BCLAF1: variants seen among roughly 807,000 people sequenced by gnomAD.
The protein encoded by BCLAF1 is bcl-2-associated transcription factor 1.
In BCLAF1, 10 loss-of-function variants were observed where a neutral mutation model predicts 99.5. The observed-to-expected ratio is 0.10, with a 90% CI of 0.06 to 0.17. BCLAF1 has a LOEUF of 0.17. Among genes scored for constraint, BCLAF1 ranks in the 10% least tolerant of loss-of-function variants. BCLAF1 has a pLI of 1.00. For missense variants in BCLAF1, 636 were observed against 1,105.8 expected, an observed-to-expected ratio of 0.58 and a Z score of 6.02; for synonymous variants, 255 against 370.9, an observed-to-expected ratio of 0.69 and a Z score of 3.59.
chr6:136,268,061 G>A, intron 10 of BCLAF1, 101 bp downstream of exon 10: 1 of 1,115,388 alleles, frequency 9.0e-7, no homozygotes, highest in Non-Finnish European at 1.2e-6. Flanking sequence ...TAGGAATAAT[G>A]ACACACATAA....
At chr6:136,285,125 G>A (rs1312311841) in intron 1 of BCLAF1, among the ~76,000 whole-genome samples, 1 of 152,146 alleles carries the variant, frequency 6.6e-6, no homozygotes, top group Non-Finnish European at 1.5e-5. Context: ...ATCATCAAAA[G>A]GGATCAGGAT....
In BCLAF1 at chr6:136,275,427, A is replaced by G. The variant is rs778987900; in HGVS notation, c.1852+105T>C. ...TCCAAGTTTTAATAATATTGGATGT[A>G]TATTTGCTAGCCCTGGGGTACATGA... On this transcript the variant is annotated intron_variant, in intron 6 of 12. Transcript: ENST00000531224. 8.1e-6 allele frequency: 9 copies of G among 1,115,220 alleles called. No individual in the cohort carries two copies. In the Admixed American group the frequency reaches 8.7e-5, roughly 11 times the overall value. 69.1% of individuals were successfully genotyped at this position (1,115,220 alleles called of 1,614,324 possible).
chr6:136,281,824 T>G (rs368502544), intron 2 of BCLAF1, among the ~76,000 whole-genome samples: 4 of 152,220 alleles, frequency 2.6e-5, no homozygotes, highest in South Asian at 4.1e-4. Context: ...TAGCTGGGCT[T>G]GTGGCACACG....
Position 136,275,665 on chromosome 6 carries a change from A to G in BCLAF1, c.1719T>C (p.Ser573=). ...CCTTCTTGACAGAATGGACAAGTGT[A>G]CTAGCAAGCAGCCTGTCTTTAGTCA... ...ASLTKDRLLA[S]TLVHSVKKEQ... The change falls in exon 6 of 13, where the codon AGT becomes AGC. Residue 573 remains serine (S), a synonymous_variant. Transcript: ENST00000531224. 1 of 1,589,718 alleles carries G rather than the reference A, an allele frequency of 6.3e-7. No individual in the cohort carries two copies. Among genetic ancestry groups the G allele is most frequent in the Non-Finnish European group, 8.5e-7 (1 of 1,169,820 alleles).
chr6:136,266,481 A>G (rs1781733156), intron 11 of BCLAF1, among the ~76,000 whole-genome samples: 1 of 152,108 alleles, frequency 6.6e-6, no homozygotes, highest in East Asian at 1.9e-4. Flanking sequence ...TCATCCTTGA[A>G]AAACTATTTC....
chr6:136,286,472 T>C (rs1329714957), intron 1 of BCLAF1, among the ~76,000 whole-genome samples: 2 of 152,214 alleles, frequency 1.3e-5, no homozygotes, highest in African/African-American at 4.8e-5. Flanking sequence ...TTAAATGAAC[T>C]AAGTAAGGCA....
Position 136,257,389 on chromosome 6 carries a change from C to G in BCLAF1, c.*3721G>C, listed in dbSNP as rs137944738. The G allele has an allele frequency of 7.9e-5, 12 of 152,242 alleles. No individual in the cohort carries two copies. The East Asian group carries it at 2.3e-3, about 29-fold the overall frequency. The allele number at this position is 152,242 out of a possible 1,614,324, so 9.4% of individuals were successfully genotyped here. ...GAACTGGTACCCTTAATTAAATGTA[C>G]AAGTTTGGTCTCATTACCATCATTG... On this transcript the variant is annotated 3_prime_UTR_variant, in exon 13 of 13. Transcript: ENST00000531224.
chr6:136,268,054 G>T, intron 10 of BCLAF1, 108 bp downstream of exon 10: 2 of 1,086,092 alleles, frequency 1.8e-6, no homozygotes, highest in Non-Finnish European at 2.5e-6. Flanking sequence ...CTGACTTTAG[G>T]AATAATGACA....
rs532682382 is a variant in BCLAF1 at position 136,287,519 on chromosome 6, GCTT to G, written c.-115+2191_-115+2193del. Among the ~76,000 whole-genome samples, 14 of 152,248 alleles carry G rather than the reference GCTT, an allele frequency of 9.2e-5. No homozygotes were observed. The South Asian group carries it at 2.3e-3, about 25-fold the overall frequency. The stretch of plus-strand genomic sequence containing the variant: ...ATCAAACAAGTACCCAGAGATTTTA[GCTT>G]CTTAATTCCCTCTTCTACTTATTTG... On this transcript the variant is annotated intron_variant, in intron 1 of 12. Transcript: ENST00000531224.
At chr6:136,272,983 TG>T (rs1782743779) in intron 7 of BCLAF1, 98 bp downstream of exon 7, 3 of 746,580 alleles carry the variant, frequency 4.0e-6, no homozygotes, top group African/African-American at 1.8e-5. Context: ...GAATAATACT[TG>T]TATCAATGAC....
intron 11 of BCLAF1, among the ~76,000 whole-genome samples, chr6:136,262,636 T>C (rs1458461557): frequency 1.3e-5 from 2 of 152,172 alleles, no homozygotes; most frequent in Non-Finnish European, 2.9e-5. Flanking sequence ...GGTAGAGGTG[T>C]ACATGACTCT....
At chr6:136,277,409 A>G (rs1190602515) in intron 4 of BCLAF1, among the ~76,000 whole-genome samples, 2 of 152,238 alleles carry the variant, frequency 1.3e-5, no homozygotes, top group African/African-American at 4.8e-5. Context: ...AAAGGTTTAC[A>G]GTTATTAGCA....
At chr6:136,273,015 A>C in intron 7 of BCLAF1, 67 bp downstream of exon 7, 1 of 1,157,404 alleles carries the variant, frequency 8.6e-7, no homozygotes, top group Non-Finnish European at 1.2e-6. Context: ...TTCCAATACA[A>C]TCTTGTTTTA....
At chr6:136,261,524 G>A in intron 11 of BCLAF1, 47 bp from the exon 12 acceptor site, 1 of 1,546,828 alleles carries the variant, frequency 6.5e-7, no homozygotes, top group Non-Finnish European at 8.9e-7. Context: ...TTCTTGTAAA[G>A]ATGATCATTT....
rs974218980 is a variant in BCLAF1, at chr6:136,274,321, A to G, written c.1853-1134T>C. The G allele has an allele frequency of 4.3e-5, 14 of 322,142 alleles. No homozygotes were observed. The South Asian group carries it at 6.3e-4, about 14-fold the overall frequency. 20.0% of individuals were successfully genotyped at this position (322,142 alleles called of 1,614,324 possible). A position where few individuals can be genotyped will look rare whatever the true frequency, so the allele number is the denominator to read the frequency against. On this transcript the variant is annotated intron_variant, in intron 6 of 12. Coordinates refer to ENST00000531224, the MANE Select transcript of BCLAF1 (RefSeq NM_014739.3). ...TCTTTTAAAAAAAAAAAAAGAAAAA[A>G]GAAAAAGGAAAAAATTTATCAAAAC...
rs753352514 is a variant in BCLAF1, at chr6:136,277,943, T to G, written c.938A>C (p.Asp313Ala). The G allele has an allele frequency of 2.1e-5, 34 of 1,595,602 alleles. 1 individual carries two copies. In the South Asian group the frequency reaches 3.8e-4, roughly 18 times the overall value. ...AAACGAGGAACGGCCCCTAGACTCA[T>G]CTCTTGGAGCATTCTGTGGTGCGAT... ...KTIAPQNAPR[D>A]ESRGRSSFYP... Residue 313 changes from aspartate to alanine, a missense_variant, in exon 4 of 13, where the codon GAT (aspartate) becomes GCT (alanine). Around this residue, in one of 9 missense-constraint regions of BCLAF1, gnomAD observed 186 missense variants for 275.3 expected, o/e 0.68. Coordinates refer to ENST00000531224, the MANE Select transcript of BCLAF1 (RefSeq NM_014739.3).
rs972954486 is a variant in BCLAF1, at chr6:136,276,355, T to C, written c.1170A>G (p.Gly390=). ...CTTCTGAATCATTAAACTTTTGTTT[T>C]CCAGACTCTTTATCACTGAAGTAAT... ...ALDYFSDKES[G]KQKFNDSEGD... The change falls in exon 5 of 13, where the codon GGA becomes GGG. Residue 390 remains glycine, a synonymous_variant. Transcript: ENST00000531224. The C allele has an allele frequency of 5.7e-6, 9 of 1,572,396 alleles. No individual in the cohort carries two copies. The African/African-American group carries it at 8.2e-5, about 14-fold the overall frequency.
chr6:136,284,677 T>A (rs770863288), intron 1 of BCLAF1, among the ~76,000 whole-genome samples: 1 of 152,188 alleles, frequency 6.6e-6, no homozygotes, highest in Non-Finnish European at 1.5e-5. Context: ...TCCAGATAAC[T>A]TGAGATAAGT....
chr6:136,266,554 GT>G (rs1006866819), intron 11 of BCLAF1, among the ~76,000 whole-genome samples: 3 of 152,006 alleles, frequency 2.0e-5, no homozygotes, highest in Non-Finnish European at 4.4e-5. Context: ...CAACTTTTCT[GT>G]AATGTAATTT....
Sources: allele counts gnomAD v4.1 joint callset (sites outside exome capture counted in the v4.1 genomes callset), GRCh38; gene constraint gnomAD v4.1.1; regional missense constraint gnomAD v4.1.1; transcripts MANE v1.5; gene names NCBI Gene and HGNC (gene_info 2026-07-23, HGNC 2026-07-21).